The following FAM107B variants were observed in gnomAD, a reference collection of about 807,000 sequenced individuals.
FAM107B encodes the protein protein FAM107B.
In FAM107B, 21 loss-of-function variants were observed where a neutral mutation model predicts 31.5. That is an observed-to-expected ratio of 0.67 (90% confidence interval 0.47 to 0.96). The LOEUF (loss-of-function observed/expected upper bound fraction) is 0.96. Ranked by LOEUF, FAM107B falls within the 40% of genes least tolerant of loss-of-function variation. The pLI, the probability that FAM107B is intolerant of heterozygous loss-of-function variation, is 0.00. For missense variants in FAM107B, 452 were observed against 377.1 expected (o/e 1.20, Z -1.64); for synonymous variants, 157 against 141.5 (o/e 1.11, Z -0.78).
At chr10:14,712,513 G>C (rs1455756508) in intron 1 of FAM107B, among the ~76,000 whole-genome samples, 1 of 148,120 alleles carries the variant, frequency 6.8e-6, no homozygotes, top group South Asian at 2.1e-4. Flanking sequence ...AGAATCGTTT[G>C]AACCCGGGAG....
chr10:14,579,088 C>A (rs1195707644), intron 2 of FAM107B, among the ~76,000 whole-genome samples: 1 of 152,156 alleles, frequency 6.6e-6, no homozygotes, highest in African/African-American at 2.4e-5. Flanking sequence ...AGAAAAAACC[C>A]ATTCGTTGTA....
At chr10:14,546,949 G>T (rs977712939) in intron 2 of FAM107B, among the ~76,000 whole-genome samples, 6 of 152,012 alleles carry the variant, frequency 3.9e-5, no homozygotes, top group Admixed American at 3.3e-4. Context: ...TTTACTGCAT[G>T]GCCACTCTAA....
chr10:14,722,723 C>T (rs1855940956), intron 1 of FAM107B, among the ~76,000 whole-genome samples: 1 of 152,080 alleles, frequency 6.6e-6, no homozygotes, highest in African/African-American at 2.4e-5. Flanking sequence ...AGTCTCTTAT[C>T]AGATATATAA....
At chr10:14,649,247 C>G (rs963121) in intron 2 of FAM107B, among the ~76,000 whole-genome samples, 57,177 of 152,134 alleles carry the variant, frequency 0.38, 12,173 homozygotes, top group Non-Finnish European at 0.47. Flanking sequence ...ACATGACAGA[C>G]AGCAGGACCT....
At chr10:14,582,379 T>C (rs1033919141) in intron 2 of FAM107B, among the ~76,000 whole-genome samples, 1 of 141,100 alleles carries the variant, frequency 7.1e-6, no homozygotes, top group Non-Finnish European at 1.6e-5. Flanking sequence ...TCTTTTCTTT[T>C]TTTTTTTTTT....
intron 2 of FAM107B, among the ~76,000 whole-genome samples, chr10:14,663,883 C>A: frequency 2.3e-5 from 1 of 43,720 alleles, no homozygotes; most frequent in African/African-American, 9.4e-5. Context: ...ATTAGATCAT[C>A]AGCCAAAAAA....
intron 1 of FAM107B, among the ~76,000 whole-genome samples, chr10:14,761,571 G>A (rs185234605): frequency 6.6e-6 from 1 of 152,218 alleles, no homozygotes; most frequent in East Asian, 1.9e-4. Context: ...AATGATACAA[G>A]GAGGAAGTTT....
chr10:14,737,342 C>A (rs566009407), intron 1 of FAM107B, among the ~76,000 whole-genome samples: 1 of 151,952 alleles, frequency 6.6e-6, no homozygotes, highest in African/African-American at 2.4e-5. Flanking sequence ...ACATTTTAGG[C>A]CAGGTGCAGT....
At chr10:14,614,381 A>G (rs1397764295) in intron 2 of FAM107B, among the ~76,000 whole-genome samples, 1 of 151,990 alleles carries the variant, frequency 6.6e-6, no homozygotes, top group Non-Finnish European at 1.5e-5. Context: ...GGCAAAAGAG[A>G]CAGAGAAGGA....
intron 1 of FAM107B, among the ~76,000 whole-genome samples, chr10:14,744,780 T>C (rs1832691950): frequency 6.6e-6 from 1 of 152,172 alleles, no homozygotes. Flanking sequence ...ACATTGATGT[T>C]CACCAGGGAT....
intron 1 of FAM107B, among the ~76,000 whole-genome samples, chr10:14,753,440 T>C (rs957275240): frequency 6.8e-6 from 1 of 146,418 alleles, no homozygotes; most frequent in Admixed American, 6.6e-5. Context: ...ACCTTCATCA[T>C]GGGAGGTCTT....
intron 1 of FAM107B, among the ~76,000 whole-genome samples, chr10:14,767,055 T>TATATATATATATAGAG (rs1440609298): frequency 6.6e-4 from 12 of 18,276 alleles, no homozygotes; most frequent in African/African-American, 1.1e-3. Flanking sequence ...TATATATATA[T>TATATATATATATAGAG]AGAGAGAGAG....
chr10:14,738,013 TG>T (rs1304877934), intron 1 of FAM107B, among the ~76,000 whole-genome samples: 1 of 151,840 alleles, frequency 6.6e-6, no homozygotes, highest in Non-Finnish European at 1.5e-5. Context: ...CACTCTAGAG[TG>T]TTTCCCATGT....
chr10:14,652,745 A>G (rs930411897), intron 2 of FAM107B: 4 of 152,226 alleles, frequency 2.6e-5, no homozygotes, highest in Non-Finnish European at 5.9e-5. Context: ...AGAAAAGACT[A>G]TTTAAGGTAA....
chr10:14,602,040 C>T (rs76516692), intron 2 of FAM107B, among the ~76,000 whole-genome samples: 6,132 of 152,310 alleles, frequency 0.04, 208 homozygotes, highest in Non-Finnish European at 0.054. Flanking sequence ...AAGGGGATCT[C>T]CAGTCCCCTG....
intron 1 of FAM107B, among the ~76,000 whole-genome samples, chr10:14,703,248 G>A (rs1181080409): frequency 6.6e-6 from 1 of 151,860 alleles, no homozygotes; most frequent in African/African-American, 2.4e-5. Context: ...AACCCTCCAA[G>A]GGCAAAGGGA....
chr10:14,683,237 T>G (rs888536003), intron 1 of FAM107B, among the ~76,000 whole-genome samples: 5 of 151,888 alleles, frequency 3.3e-5, no homozygotes, highest in Admixed American at 2.6e-4. Flanking sequence ...TAATCTACAG[T>G]GGAAAGAAAA....
At position 14,533,602 on chromosome 10, in the gene FAM107B, C is replaced by T. The variant is rs185510245; in HGVS notation, c.470-3087G>A. Among the ~76,000 whole-genome samples, 212 of 152,302 alleles carry T rather than the reference C, an allele frequency of 1.4e-3. 1 individual carries two copies. The highest frequency in any genetic ancestry group is 0.011 in the Admixed American group (167 of 15,310). ...CAGGCTTTGCCTGCCCTCCGCTTTC[C>T]GTCCCCTCATCCTCTGTCCCGCACT... is the stretch of plus-strand genomic sequence containing the variant. On this transcript the variant is annotated intron_variant, in intron 2 of 4. Coordinates refer to ENST00000181796, the MANE Select transcript of FAM107B (RefSeq NM_031453.4).
At chr10:14,636,718 TG>T (rs1019159998) in intron 2 of FAM107B, among the ~76,000 whole-genome samples, 58 of 152,206 alleles carry the variant, frequency 3.8e-4, no homozygotes, top group African/African-American at 1.3e-3. Context: ...GGAGTGGGTA[TG>T]AAGATAATTC....
Sources: allele counts gnomAD v4.1 joint callset (sites outside exome capture counted in the v4.1 genomes callset), GRCh38; gene constraint gnomAD v4.1.1; transcripts MANE v1.5; gene names NCBI Gene and HGNC (gene_info 2026-07-23, HGNC 2026-07-21).